The following TBC1D21 variants were observed in gnomAD, a reference collection of about 807,000 sequenced individuals.
TBC1D21 encodes the protein male germ cell Rab GTPase-activating protein.
A neutral mutation model predicts 46.0 loss-of-function variants in TBC1D21; 38 were observed. That is an observed-to-expected ratio of 0.83 (90% confidence interval 0.64 to 1.08). TBC1D21 has a LOEUF of 1.08. TBC1D21 is among the 50% of genes least tolerant of loss of function. The pLI, the probability that TBC1D21 is intolerant of heterozygous loss-of-function variation, is 0.00. For synonymous variants in TBC1D21, 151 were observed against 157.2 expected (o/e 0.96, Z 0.29); for missense variants, 415 against 417.9 (o/e 0.99, Z 0.06).
chr15:73,879,310 C>A (rs184248120), intron 1 of TBC1D21, among the ~76,000 whole-genome samples: 3 of 152,068 alleles, frequency 2.0e-5, no homozygotes, highest in African/African-American at 7.2e-5. Flanking sequence ...CAGGTTCAAG[C>A]GATTCTTCTG....
chr15:73,887,770 C>T (rs2068277199), intron 9 of TBC1D21, 34 bp downstream of exon 9: 2 of 1,578,062 alleles, frequency 1.3e-6, no homozygotes, highest in Non-Finnish European at 1.7e-6. Context: ...ACCACCCCTG[C>T]TCCTGGAGGC....
chr15:73,896,162 A>G, the TBC1D21 span, among the ~76,000 whole-genome samples: 21 of 72,470 alleles, frequency 2.9e-4, no homozygotes, highest in African/African-American at 8.0e-4. Context: ...GTGAGGACAA[A>G]TATAATGGAG....
the TBC1D21 span, among the ~76,000 whole-genome samples, chr15:73,900,571 A>G: frequency 6.6e-6 from 1 of 152,080 alleles, no homozygotes; most frequent in African/African-American, 2.4e-5. Flanking sequence ...GCAAGAGCAA[A>G]CTCGCTGGAT....
intron 1 of TBC1D21, among the ~76,000 whole-genome samples, chr15:73,875,196 C>T (rs1420422495): frequency 6.7e-6 from 1 of 149,226 alleles, no homozygotes; most frequent in Non-Finnish European, 1.5e-5. Flanking sequence ...TTGCAGTGAG[C>T]TGAGATTGCG....
downstream of TBC1D21, among the ~76,000 whole-genome samples, chr15:73,890,544 GC>G (rs1173308650): frequency 6.6e-6 from 1 of 152,196 alleles, no homozygotes; most frequent in Non-Finnish European, 1.5e-5. Flanking sequence ...TTTGCATTTT[GC>G]CAGAGAGGCA....
At position 73,884,263 on chromosome 15, in the gene TBC1D21, G is replaced by A. The variant is rs754262814; in HGVS notation, c.367+18G>A. The A allele has an allele frequency of 1.2e-6, 2 of 1,611,698 alleles. No individual in the cohort carries two copies. The highest frequency in any genetic ancestry group is 1.7e-6 in the Non-Finnish European group (2 of 1,177,854). ...TAACATTGGTGAGCAAAGTGGGGTG[G>A]AGAGGGCTGGGCAGAGGGAGGGCTT... is the stretch of plus-strand genomic sequence containing the variant. On this transcript the variant is annotated intron_variant, in intron 4 of 10. Coordinates refer to ENST00000300504, the MANE Select transcript of TBC1D21 (RefSeq NM_153356.3).
chr15:73,881,475 G>A lies in TBC1D21; in HGVS notation c.137G>A (p.Arg46Gln), dbSNP rs1053967085. The A allele has an allele frequency of 7.4e-6, 12 of 1,614,056 alleles. No homozygotes were observed. Among genetic ancestry groups the A allele is most frequent in the Admixed American group, 5.0e-5 (3 of 60,002 alleles). Residue 46 changes from arginine to glutamine, a missense_variant, in exon 2 of 11, where the codon CGG becomes CAG. By Grantham distance (43) the Arg-to-Gln change is conservative. Coordinates refer to ENST00000300504, the MANE Select transcript of TBC1D21 (RefSeq NM_153356.3). ...FDESGHLAKSRDFICVNILER... is the reference protein window; with the variant it reads ...FDESGHLAKSQDFICVNILER... ...GAGAGTGGCCACTTGGCCAAATCAC[G>A]GGACTTCATTTGTGTTAACATCCTG...
At chr15:73,875,277 G>A in intron 1 of TBC1D21, among the ~76,000 whole-genome samples, 1 of 118,800 alleles carries the variant, frequency 8.4e-6, no homozygotes. Flanking sequence ...AGAAGAAGAA[G>A]AAAGAAGGAA....
chr15:73,892,442 C>G (rs548400172), downstream of TBC1D21, among the ~76,000 whole-genome samples: 1 of 152,310 alleles, frequency 6.6e-6, no homozygotes, highest in South Asian at 2.1e-4. Flanking sequence ...AGGAGCTCCC[C>G]AAGCCAGGGC....
chr15:73,886,432 G>A (rs1002649248), intron 7 of TBC1D21, 80 bp from the exon 8 acceptor site: 34 of 1,275,294 alleles, frequency 2.7e-5, no homozygotes, highest in Non-Finnish European at 2.6e-5. Context: ...TGCAGGCTCT[G>A]TAGTTTGGCC....
At chr15:73,880,103 C>T (rs187591697) in intron 1 of TBC1D21, among the ~76,000 whole-genome samples, 1 of 152,076 alleles carries the variant, frequency 6.6e-6, no homozygotes, top group East Asian at 1.9e-4. Flanking sequence ...CACCATGTTG[C>T]CCCAGGCTGG....
At chr15:73,896,272 T>G in the TBC1D21 span, among the ~76,000 whole-genome samples, 1 of 152,034 alleles carries the variant, frequency 6.6e-6, no homozygotes, top group Non-Finnish European at 1.5e-5. Flanking sequence ...TTAGTGGCAG[T>G]CATAGTGGAG....
downstream of TBC1D21, among the ~76,000 whole-genome samples, chr15:73,892,979 T>C (rs923759279): frequency 6.6e-6 from 1 of 152,000 alleles, no homozygotes; most frequent in Non-Finnish European, 1.5e-5. Flanking sequence ...GTGGCAGAGG[T>C]GTGATGTCAT....
rs767627863 is a variant in TBC1D21 at position 73,886,105 on chromosome 15, G to T, written c.607G>T (p.Val203Leu). 3.7e-6 allele frequency: 6 copies of T among 1,614,038 alleles called. No homozygotes were observed. Among genetic ancestry groups the T allele is most frequent in the Non-Finnish European group, 5.1e-6 (6 of 1,180,036 alleles). ...TEHSCVINIG[V>L]AKNLDMLSTL... The stretch of plus-strand genomic sequence containing the variant: ...ACACAGCTGTGTCATCAACATTGGC[G>T]TGGCCAAGAACCTAGACATGCTCAG... The change falls in exon 7 of 11, where the codon GTG (valine) becomes TTG (leucine). Residue 203 changes from valine to leucine, a missense_variant. Transcript: ENST00000300504.
At chr15:73,905,032 G>A in the TBC1D21 span, among the ~76,000 whole-genome samples, 2 of 152,210 alleles carry the variant, frequency 1.3e-5, no homozygotes, top group South Asian at 2.1e-4. Context: ...AACAAAGACC[G>A]TAGCAGCAGA....
rs2068157496 is a variant in TBC1D21, at chr15:73,881,653, C to T, written c.178C>T (p.Pro60Ser). The T allele has an allele frequency of 6.2e-7, 1 of 1,613,892 alleles. No individual in the cohort carries two copies. Among genetic ancestry groups the T allele is most frequent in the African/African-American group, 1.3e-5 (1 of 74,974 alleles). Residue 60 changes from proline (P) to serine (S), a missense_variant, in exon 3 of 11, where the codon CCC (proline) becomes TCC (serine). Physicochemically the swap from Pro to Ser is moderately conservative, Grantham distance 74. Transcript: ENST00000300504. ...CCCACCCCCACCCCAGGGTCTGCAC[C>T]CCTTCGTGAGGACTGAAGCCTGGAA... is the stretch of plus-strand genomic sequence containing the variant. The part of the protein sequence containing the change: ...CVNILERGLH[P>S]FVRTEAWKFL...
chr15:73,893,033 G>A (rs556792247), downstream of TBC1D21, among the ~76,000 whole-genome samples: 31 of 152,272 alleles, frequency 2.0e-4, no homozygotes, highest in African/African-American at 7.2e-4. Flanking sequence ...CAGTGGCAGA[G>A]GTGATATAGA....
intron 1 of TBC1D21, among the ~76,000 whole-genome samples, chr15:73,878,353 A>C (rs1221950599): frequency 1.3e-5 from 2 of 152,198 alleles, no homozygotes; most frequent in Non-Finnish European, 2.9e-5. Flanking sequence ...TGATCCATGG[A>C]TCATAATTTG....
chr15:73,886,237 C>A lies in TBC1D21; in HGVS notation c.676+63C>A, dbSNP rs1034217389. The A allele has an allele frequency of 1.2e-5, 17 of 1,432,214 alleles. No individual in the cohort carries two copies. In the African/African-American group the frequency reaches 1.7e-4, roughly 14 times the overall value. 88.7% of individuals were successfully genotyped at this position (1,432,214 alleles called of 1,614,324 possible). A position where few individuals can be genotyped will look rare whatever the true frequency, so the allele number is the denominator to read the frequency against. ...CCAGGCATGGGAAGGGGGCTGGGACCCAACTGTCAGTCCCTAATCATGGGG... is the reference window on the plus strand; with the variant it reads ...CCAGGCATGGGAAGGGGGCTGGGACACAACTGTCAGTCCCTAATCATGGGG... On this transcript the variant is annotated intron_variant, in intron 7 of 10. Transcript: ENST00000300504.
Sources: gnomAD v4.1 joint callset for allele counts (sites outside exome capture counted in the v4.1 genomes callset) on GRCh38, gnomAD v4.1.1 for gene constraint, MANE v1.5 for transcripts, NCBI Gene and HGNC (gene_info 2026-07-23, HGNC 2026-07-21) for gene names.